JAK3: variants seen among roughly 807,000 people sequenced by gnomAD.
The protein encoded by JAK3 is Janus kinase 3, also known as tyrosine-protein kinase JAK3.
JAK3 carries 88 observed loss-of-function variants against 120.8 expected under a neutral mutation model. That is an observed-to-expected ratio of 0.73 (90% CI 0.61 to 0.87). The LOEUF is 0.87. Among genes scored for constraint, JAK3 ranks in the 40% least tolerant of loss-of-function variants. The probability of loss-of-function intolerance (pLI) is 0.00; values close to 1 mark genes in which losing one functional copy is unlikely to be tolerated. For missense variants in JAK3, 1,254 were observed against 1,501.4 expected (o/e 0.84, Z 2.72); for synonymous variants, 592 against 628.6 (o/e 0.94, Z 0.87).
chr19:17,832,430 C>A lies in JAK3; in HGVS notation c.2680+89G>T. On this transcript the variant is annotated intron_variant, in intron 19 of 23. Transcript: ENST00000458235. The surrounding 1 kb of genome is among the most constrained non-coding windows in gnomAD (Gnocchi z 4.7). ...CTGGATCAATAATCACGTTCCCAGC[C>A]TACCTAAAGTGGCCTGGCAGGAGGG... 7.8e-7 allele frequency: 1 copy of A among 1,280,442 alleles called. No homozygotes were observed. The highest frequency in any genetic ancestry group is 2.3e-5 in the East Asian group (1 of 43,352). 79.3% of individuals were successfully genotyped at this position (1,280,442 alleles called of 1,614,324 possible).
At chr19:17,835,345 C>A (rs1179894788) in intron 14 of JAK3, 130 bp from the exon 15 acceptor site, 1 of 1,218,348 alleles carries the variant, frequency 8.2e-7, no homozygotes, top group African/African-American at 1.5e-5. Flanking sequence ...GTCCCTGACT[C>A]CTGACATCCT....
chr19:17,830,274 G>T, intron 22 of JAK3, 56 bp from the exon 23 acceptor site: 2 of 1,318,766 alleles, frequency 1.5e-6, no homozygotes, highest in Non-Finnish European at 2.1e-6. Context: ...GGTGGAGGGG[G>T]AGGGGCCACC....
Position 17,843,379 on chromosome 19 carries a change from C to G in JAK3, c.420+1G>C, listed in dbSNP as rs1303236349. ...GGGTCAAACCCCAGGCAGAACCCCA[C>G]CTGGGCAAAGAGGTGCTCCAGGACT... On this transcript the variant is annotated splice_donor_variant, in intron 4 of 23. Coordinates refer to ENST00000458235, the MANE Select transcript of JAK3 (RefSeq NM_000215.4). LOFTEE classifies it high-confidence loss of function. This position sits in a 1 kb window ranked among gnomAD's most constrained non-coding sequence, Gnocchi z 5.4. 1.3e-6 allele frequency: 2 copies of G among 1,586,214 alleles called. No homozygotes were observed. Among genetic ancestry groups the G allele is most frequent in the Admixed American group, 3.5e-5 (2 of 56,438 alleles).
intron 2 of JAK3, 107 bp from the exon 3 acceptor site, chr19:17,844,007 T>TG: frequency 1.4e-6 from 2 of 1,429,082 alleles, no homozygotes; most frequent in Non-Finnish European, 1.9e-6. Context: ...CCTCAAGGTA[T>TG]GACCAGCTGT....
chr19:17,838,192 T>C, intron 11 of JAK3, 71 bp downstream of exon 11: 1 of 1,612,452 alleles, frequency 6.2e-7, no homozygotes, highest in Non-Finnish European at 8.5e-7. Context: ...TTATAGCATA[T>C]GCCTGAGGCC....
At position 17,841,280 on chromosome 19, in the gene JAK3, A is replaced by T. The variant is rs553273812; in HGVS notation, c.1142+109T>A. On this transcript the variant is annotated intron_variant, in intron 8 of 23. Coordinates refer to ENST00000458235, the MANE Select transcript of JAK3 (RefSeq NM_000215.4). This position sits in a 1 kb window ranked among gnomAD's most constrained non-coding sequence, Gnocchi z 4.1. ...CTGACTGTGCGGCAGGTGTGGTTTG[A>T]AAACTTGACCCCTGTCCAGGGCTCC... 6.7e-6 allele frequency: 8 copies of T among 1,192,778 alleles called. No homozygotes were observed. In the South Asian group the frequency reaches 1.1e-4, roughly 17 times the overall value. The allele number at this position is 1,192,778 out of a possible 1,614,324, so 73.9% of individuals were successfully genotyped here.
At position 17,832,521 on chromosome 19, in the gene JAK3, G is replaced by A. The variant is rs772027199; in HGVS notation, c.2678C>T (p.Pro893Leu). 1.7e-5 allele frequency: 28 copies of A among 1,614,110 alleles called. 1 individual carries two copies. The East Asian group carries it at 4.0e-4, about 23-fold the overall frequency. ...IVKYRGVSYG[P>L]GRQSLRLVME... ...CACTCATCCGGGAGCTGGCTCACCC[G>A]GGCCATAGCTGACACCACGATACTT... The change falls in exon 19 of 24, where the codon CCG (proline) becomes CTG (leucine). Residue 893 changes from proline (P) to leucine (L), a missense_variant and splice_region_variant. Pro to Leu is a moderately conservative substitution (Grantham distance 98). Transcript: ENST00000458235. The surrounding 1 kb of genome is among the most constrained non-coding windows in gnomAD (Gnocchi z 4.7).
chr19:17,846,757 G>A (rs1334166157), intron 1 of JAK3, among the ~76,000 whole-genome samples: 1 of 152,118 alleles, frequency 6.6e-6, no homozygotes, highest in Non-Finnish European at 1.5e-5. Context: ...GCTAATTTTT[G>A]TATTTTTAGT....
intron 9 of JAK3, 128 bp downstream of exon 9, chr19:17,840,102 C>G: frequency 1.4e-6 from 1 of 723,568 alleles, no homozygotes; most frequent in Admixed American, 2.0e-5. Context: ...ATATGCTGTT[C>G]TGTTCACCGG....
rs1203752750 is a variant in JAK3 at position 17,832,532 on chromosome 19, G to C, written c.2667C>G (p.Val889=). The change falls in exon 19 of 24, where the codon GTC becomes GTG. Residue 889 remains valine (V), a synonymous_variant. Coordinates refer to ENST00000458235, the MANE Select transcript of JAK3 (RefSeq NM_000215.4). This position sits in a 1 kb window ranked among gnomAD's most constrained non-coding sequence, Gnocchi z 4.7. Reference sequence around the variant, plus strand: ...GAGCTGGCTCACCCGGGCCATAGCTGACACCACGATACTTGACAATGAAAT... The same window carrying C: ...GAGCTGGCTCACCCGGGCCATAGCTCACACCACGATACTTGACAATGAAAT... ...HSDFIVKYRG[V]SYGPGRQSLR... 9 of 1,614,186 alleles carry C rather than the reference G, an allele frequency of 5.6e-6. No individual in the cohort carries two copies. Among genetic ancestry groups the C allele is most frequent in the Non-Finnish European group, 7.6e-6 (9 of 1,180,026 alleles).
intron 17 of JAK3, among the ~76,000 whole-genome samples, chr19:17,834,032 G>A (rs891229248): frequency 1.3e-5 from 2 of 151,922 alleles, no homozygotes; most frequent in Non-Finnish European, 2.9e-5. Context: ...GAGCCACTGC[G>A]CCCAGCCAAA....
chr19:17,843,069 C>T lies in JAK3; in HGVS notation c.524G>A (p.Arg175Gln), dbSNP rs776089693. The change falls in exon 5 of 24, where the codon CGA (arginine) becomes CAA (glutamine). Residue 175 changes from arginine (R) to glutamine (Q), a missense_variant. Coordinates refer to ENST00000458235, the MANE Select transcript of JAK3 (RefSeq NM_000215.4). This position sits in a 1 kb window ranked among gnomAD's most constrained non-coding sequence, Gnocchi z 5.4. ...LAVLDLARMA[R>Q]EQAQRPGELL... The stretch of plus-strand genomic sequence containing the variant: ...CTCTCCCGGCCGCTGGGCCTGCTCT[C>T]GCGCCATCCGGGCCAGGTCCAACAC... 1.7e-5 allele frequency: 27 copies of T among 1,610,636 alleles called. No individual in the cohort carries two copies. Among genetic ancestry groups the T allele is most frequent in the East Asian group, 4.5e-5 (2 of 44,880 alleles).
rs542799114 is a variant in JAK3, at chr19:17,847,249, C to G, written c.-14+697G>C. 2.0e-5 allele frequency among the ~76,000 whole-genome samples: 3 copies of G among 152,156 alleles called. No homozygotes were observed. In the South Asian group the frequency reaches 6.2e-4, roughly 31 times the overall value. ...GTGGCAGTGGCGCCCCACTGCAATC[C>G]CAGCTACTCAGGGGGCTGAGGCAGC... On this transcript the variant is annotated intron_variant, in intron 1 of 23. Transcript: ENST00000458235.
At chr19:17,837,897 C>G (rs779961090) in intron 12 of JAK3, 35 bp downstream of exon 12, 1 of 1,613,466 alleles carries the variant, frequency 6.2e-7, no homozygotes, top group Non-Finnish European at 8.5e-7. Context: ...TCCAGCCAGC[C>G]CCGACTCCAA....
At position 17,834,667 on chromosome 19, in the gene JAK3, G is replaced by A. The variant is rs200123352; in HGVS notation, c.2254C>T (p.Leu752=). 89 of 1,614,012 alleles carry A rather than the reference G, an allele frequency of 5.5e-5. No homozygotes were observed. The Middle Eastern group carries it at 9.9e-4, about 18-fold the overall frequency. Residue 752 remains leucine (L), a synonymous_variant, in exon 17 of 24, where the codon CTG becomes TTG. Coordinates refer to ENST00000458235, the MANE Select transcript of JAK3 (RefSeq NM_000215.4). ...ATGCACTGTTGAATCAGCAGGGCCA[G>A]CTCTGTCCACTTGGGGGCCGGCAGC... is the stretch of plus-strand genomic sequence containing the variant. ...QQLPAPKWTE[L]ALLIQQCMAY...
At chr19:17,833,031 T>G in intron 17 of JAK3, 102 bp from the exon 18 acceptor site, 3 of 1,526,000 alleles carry the variant, frequency 2.0e-6, no homozygotes, top group Non-Finnish European at 2.6e-6. Context: ...TGACCCTCTC[T>G]GTGCATTATG....
intron 1 of JAK3, among the ~76,000 whole-genome samples, chr19:17,845,565 T>A (rs2094250261): frequency 6.6e-6 from 1 of 152,078 alleles, no homozygotes; most frequent in South Asian, 2.1e-4. Context: ...GTGGATCACT[T>A]GAGGCTAGGA....
In JAK3 at chr19:17,841,499, G is replaced by A. The variant is rs772747255; in HGVS notation, c.1032C>T (p.Leu344=). 6.4e-7 allele frequency: 1 copy of A among 1,573,510 alleles called. No individual in the cohort carries two copies. Among genetic ancestry groups the A allele is most frequent in the South Asian group, 1.2e-5 (1 of 86,674 alleles). ...TGGTCAGCCGGAAGTAGCCGTCCACGAGCGCCACGAACGACAGAGCCTCGG... is the reference window on the plus strand; with the variant it reads ...TGGTCAGCCGGAAGTAGCCGTCCACAAGCGCCACGAACGACAGAGCCTCGG... ...GLPEALSFVA[L]VDGYFRLTTD... is the part of the protein sequence containing the mutation. Residue 344 remains leucine, a synonymous_variant, in exon 8 of 24, where the codon CTC becomes CTT. Transcript: ENST00000458235. The surrounding 1 kb of genome is among the most constrained non-coding windows in gnomAD (Gnocchi z 4.1).
rs2094220538 is a variant in JAK3 at position 17,834,635 on chromosome 19, A to T, written c.2286T>A (p.Tyr762Ter). The change falls in exon 17 of 24, where the codon TAT becomes TAA. Residue 762 changes from tyrosine to a stop codon, truncating the protein, a stop_gained. Transcript: ENST00000458235. LOFTEE classifies it high-confidence loss of function. ...GGAAGGAGGGCCTCTGGACCGGCTC[A>T]TAGGCCATGCACTGTTGAATCAGCA... ...LALLIQQCMA[Y>*]EPVQRPSFRA... is the part of the protein sequence containing the mutation. 6.2e-7 allele frequency: 1 copy of T among 1,613,884 alleles called. No individual in the cohort carries two copies. Among genetic ancestry groups the T allele is most frequent in the Non-Finnish European group, 8.5e-7 (1 of 1,179,982 alleles).
Sources: allele counts gnomAD v4.1 joint callset (sites outside exome capture counted in the v4.1 genomes callset), GRCh38; gene constraint gnomAD v4.1.1; non-coding constraint Gnocchi (gnomAD v3.1); transcripts MANE v1.5; gene names NCBI Gene and HGNC (gene_info 2026-07-23, HGNC 2026-07-21).